The following PTPRN2 variants were observed in gnomAD, a reference collection of about 807,000 sequenced individuals.
PTPRN2 encodes the protein protein tyrosine phosphatase receptor type N2, also known as receptor-type tyrosine-protein phosphatase N2.
A neutral mutation model predicts 118.8 loss-of-function variants in PTPRN2; 74 were observed. The observed-to-expected ratio is 0.62, with a 90% CI of 0.52 to 0.76. PTPRN2 has a LOEUF of 0.76. Among genes scored for constraint, PTPRN2 ranks in the 30% least tolerant of loss-of-function variants. PTPRN2 has a pLI of 0.00. For missense variants in PTPRN2, 1,481 were observed against 1,394.4 expected (o/e 1.06, Z -0.99); for synonymous variants, 641 against 608.0 (o/e 1.05, Z -0.80).
At chr7:158,488,079 CG>C (rs1381587266) in intron 2 of PTPRN2, among the ~76,000 whole-genome samples, 1 of 152,026 alleles carries the variant, frequency 6.6e-6, no homozygotes, top group Non-Finnish European at 1.5e-5. Context: ...GTCAAGGAGC[CG>C]GGGAGACAGC....
intron 1 of PTPRN2, among the ~76,000 whole-genome samples, chr7:158,495,901 A>C (rs1298733413): frequency 6.6e-6 from 1 of 152,040 alleles, no homozygotes; most frequent in African/African-American, 2.4e-5. Flanking sequence ...TTTCAAAGAC[A>C]AAAGGAAGAG....
At chr7:158,336,000 G>A (rs1478795995) in intron 2 of PTPRN2, among the ~76,000 whole-genome samples, 1 of 7,548 alleles carries the variant, frequency 1.3e-4, no homozygotes, top group Admixed American at 7.4e-4. Context: ...ACCTGCAGAC[G>A]TCACTCACAC....
chr7:158,165,069 T>C lies in PTPRN2; in HGVS notation c.910+1862A>G, dbSNP rs1033113088. On this transcript the variant is annotated intron_variant, in intron 6 of 22. Coordinates refer to ENST00000389418, the MANE Select transcript of PTPRN2 (RefSeq NM_002847.5). ...ACCCACAAGAGGCAGTGAAGACCCC[T>C]GATAGCATTCAGTACCCACGAAAGC... Among the ~76,000 whole-genome samples, 4 of 96,802 alleles carry C rather than the reference T, an allele frequency of 4.1e-5. 1 individual carries two copies. The highest frequency in any genetic ancestry group is 1.4e-4 in the African/African-American group (4 of 28,328). The allele number at this position is 96,802 out of a possible 152,430, so 63.5% of individuals were successfully genotyped here.
chr7:158,097,672 C>T (rs1257634642), intron 10 of PTPRN2, among the ~76,000 whole-genome samples: 1 of 152,184 alleles, frequency 6.6e-6, no homozygotes, highest in Non-Finnish European at 1.5e-5. Flanking sequence ...CATCGATCAC[C>T]GCCGCCGCAG....
chr7:158,197,040 G>A (rs1312469527), intron 4 of PTPRN2, among the ~76,000 whole-genome samples: 1 of 152,182 alleles, frequency 6.6e-6, no homozygotes, highest in African/African-American at 2.4e-5. Context: ...GTGTGTGTGT[G>A]TGCGTGTGCA....
In PTPRN2 at chr7:157,619,523, T is replaced by C. The variant is rs993121822; in HGVS notation, c.2344+1839A>G. On this transcript the variant is annotated intron_variant, in intron 15 of 22. Transcript: ENST00000389418. The surrounding 1 kb of genome is among the most constrained non-coding windows in gnomAD (Gnocchi z 5.3). The stretch of plus-strand genomic sequence containing the variant: ...AGGGCCGGTGCTTAGTAAATATCTG[T>C]TAGTTGGCTAATGGGATGTATTGTA... 6.6e-6 allele frequency among the ~76,000 whole-genome samples: 1 copy of C among 152,178 alleles called. No individual in the cohort carries two copies. Among genetic ancestry groups the C allele is most frequent in the Non-Finnish European group, 1.5e-5 (1 of 68,040 alleles).
At chr7:158,532,998 AC>A (rs1216847307) in intron 1 of PTPRN2, among the ~76,000 whole-genome samples, 3 of 152,198 alleles carry the variant, frequency 2.0e-5, no homozygotes, top group Admixed American at 2.0e-4. Context: ...TTAAAGCAAA[AC>A]AAACACAAGC....
chr7:157,985,786 C>G (rs528924545), intron 11 of PTPRN2, among the ~76,000 whole-genome samples: 15 of 152,198 alleles, frequency 9.9e-5, no homozygotes, highest in Non-Finnish European at 2.1e-4. Flanking sequence ...ACCATGCATC[C>G]AAATCCGGAG....
chr7:158,188,762 G>A (rs1017534701), intron 5 of PTPRN2, among the ~76,000 whole-genome samples: 8 of 151,412 alleles, frequency 5.3e-5, no homozygotes, highest in South Asian at 2.1e-4. Flanking sequence ...AGGCCGCCAC[G>A]CTCACCCGCT....
At chr7:158,201,250 C>G (rs1005952000) in intron 4 of PTPRN2, among the ~76,000 whole-genome samples, 1 of 152,048 alleles carries the variant, frequency 6.6e-6, no homozygotes, top group African/African-American at 2.4e-5. Context: ...TACACAAGTG[C>G]TGAGTAATTT....
chr7:158,444,310 AG>A (rs1204680674), intron 2 of PTPRN2, among the ~76,000 whole-genome samples: 4 of 152,232 alleles, frequency 2.6e-5, no homozygotes, highest in African/African-American at 4.8e-5. Context: ...GGTGAGCCCC[AG>A]CCGGCCGTGA....
At chr7:157,915,896 C>T (rs920647141) in intron 11 of PTPRN2, among the ~76,000 whole-genome samples, 4 of 152,152 alleles carry the variant, frequency 2.6e-5, no homozygotes, top group African/African-American at 7.2e-5. Context: ...TTTCTTCCAG[C>T]GTACCAGCAG....
rs111478904 is a variant in PTPRN2, at chr7:158,316,337, G to A, written c.277+482C>T. Among the ~76,000 whole-genome samples the A allele has an allele frequency of 3.1e-4, 47 of 152,242 alleles. No individual in the cohort carries two copies. The East Asian group carries it at 5.6e-3, about 18-fold the overall frequency. ...AGTCAAAGAAGCGCAGCAGTGGGCC[G>A]GTGCTGTGGGAATTCCCTGGTCCTA... is the stretch of plus-strand genomic sequence containing the variant. On this transcript the variant is annotated intron_variant, in intron 3 of 22. Transcript: ENST00000389418.
intron 15 of PTPRN2, chr7:157,616,447 G>C (rs1274454362): frequency 2.0e-5 from 3 of 152,046 alleles, no homozygotes; most frequent in Non-Finnish European, 1.5e-5. Flanking sequence ...TCCTAAAAAA[G>C]AATCCTCAGT....
At chr7:157,616,245 C>T (rs1015509139) in intron 15 of PTPRN2, 2 of 153,156 alleles carry the variant, frequency 1.3e-5, no homozygotes, top group African/African-American at 4.8e-5. Flanking sequence ...GATCTAAAAT[C>T]TGAACTTTGA....
chr7:158,029,247 G>GGGGCACGGGGTCCGTATCCTCTCGCCA (rs1807512391), intron 11 of PTPRN2: 2 of 149,644 alleles, frequency 1.3e-5, no homozygotes, highest in Admixed American at 1.3e-4. Context: ...TCCTCTCGCC[G>GGGGCACGGGGTCCGTATCCTCTCGCCA]GGGGCACGGG....
intron 11 of PTPRN2, among the ~76,000 whole-genome samples, chr7:158,024,054 T>C (rs1157894425): frequency 6.6e-6 from 1 of 152,158 alleles, no homozygotes; most frequent in Non-Finnish European, 1.5e-5. Context: ...GCAGTTTCAA[T>C]TCCTCTTGAT....
At chr7:157,649,665 G>C (rs1356616827) in intron 14 of PTPRN2, among the ~76,000 whole-genome samples, 2 of 107,732 alleles carry the variant, frequency 1.9e-5, no homozygotes. Context: ...GACCCATCCA[G>C]CGTGCACTGA....
At chr7:158,336,786 G>C (rs1805643612) in intron 2 of PTPRN2, among the ~76,000 whole-genome samples, 1 of 100,744 alleles carries the variant, frequency 9.9e-6, no homozygotes, top group African/African-American at 3.5e-5. Context: ...GACACCTGCA[G>C]ACGTCACTCA....
Sources: gnomAD v4.1 joint callset for allele counts (sites outside exome capture counted in the v4.1 genomes callset) on GRCh38, gnomAD v4.1.1 for gene constraint, Gnocchi (gnomAD v3.1) non-coding constraint, MANE v1.5 for transcripts, NCBI Gene and HGNC (gene_info 2026-07-23, HGNC 2026-07-21) for gene names.